ROBO2: variants seen among roughly 807,000 people sequenced by gnomAD.
ROBO2 encodes roundabout homolog 2.
ROBO2 carries 53 observed loss-of-function variants against 160.8 expected under a neutral mutation model. The observed-to-expected ratio is 0.33, with a 90% CI of 0.26 to 0.41. The LOEUF is 0.41. ROBO2 is among the 10% of genes least tolerant of loss of function. The pLI, the probability that ROBO2 is intolerant of heterozygous loss-of-function variation, is 1.00. For synonymous variants in ROBO2, 664 were observed against 611.7 expected (o/e 1.09, Z -1.26); for missense variants, 1,577 against 1,722.4 (o/e 0.92, Z 1.49).
intron 2 of ROBO2, among the ~76,000 whole-genome samples, chr3:77,402,791 C>G (rs140495691): frequency 6.6e-6 from 1 of 151,966 alleles, no homozygotes; most frequent in African/African-American, 2.4e-5. Context: ...CTCAGAAGTA[C>G]GCCGGCACAC....
intron 2 of ROBO2, among the ~76,000 whole-genome samples, chr3:76,169,405 G>A (rs984762177): frequency 2.6e-5 from 4 of 152,168 alleles, no homozygotes; most frequent in African/African-American, 4.8e-5. Flanking sequence ...GGTAGCATGC[G>A]TGGGGCTTTA....
chr3:77,183,531 G>A (rs2080995818), intron 2 of ROBO2, among the ~76,000 whole-genome samples: 1 of 151,968 alleles, frequency 6.6e-6, no homozygotes, highest in Non-Finnish European at 1.5e-5. Context: ...TAAGGTCATA[G>A]GAATAAGATG....
chr3:76,472,424 G>A (rs1428006997), intron 2 of ROBO2, among the ~76,000 whole-genome samples: 2 of 151,856 alleles, frequency 1.3e-5, no homozygotes, highest in Non-Finnish European at 2.9e-5. Flanking sequence ...ATCTGTAAAA[G>A]AAATTTGTTA....
chr3:76,451,857 T>C (rs139075747), intron 2 of ROBO2, among the ~76,000 whole-genome samples: 34 of 152,276 alleles, frequency 2.2e-4, no homozygotes, highest in African/African-American at 7.0e-4. Flanking sequence ...AAAGCTCCTC[T>C]TGGCTGCAAG....
chr3:76,878,032 C>T (rs2072938951), intron 2 of ROBO2, among the ~76,000 whole-genome samples: 1 of 152,124 alleles, frequency 6.6e-6, no homozygotes, highest in African/African-American at 2.4e-5. Flanking sequence ...CTTTAATTAC[C>T]TTCTAAAAGC....
intron 6 of ROBO2, among the ~76,000 whole-genome samples, chr3:77,540,381 G>A (rs565532673): frequency 6.4e-4 from 98 of 152,274 alleles, no homozygotes; most frequent in African/African-American, 2.1e-3. Context: ...GGAACCAAAT[G>A]AATCTGGCAT....
chr3:77,429,858 G>C (rs573001067), intron 2 of ROBO2, among the ~76,000 whole-genome samples: 7 of 151,932 alleles, frequency 4.6e-5, no homozygotes, highest in Non-Finnish European at 7.4e-5. Context: ...CACACCTTAC[G>C]GTCTCTTAGC....
chr3:77,361,788 T>C (rs2070048214), intron 2 of ROBO2, among the ~76,000 whole-genome samples: 1 of 152,152 alleles, frequency 6.6e-6, no homozygotes, highest in Admixed American at 6.6e-5. Context: ...GACATGAACA[T>C]TCAGACTGTA....
intron 5 of ROBO2, among the ~76,000 whole-genome samples, chr3:77,520,931 A>T (rs2090527972): frequency 6.6e-6 from 1 of 151,356 alleles, no homozygotes; most frequent in African/African-American, 2.4e-5. Flanking sequence ...TTAGCCTAGT[A>T]CTTGCTCTAA....
intron 2 of ROBO2, among the ~76,000 whole-genome samples, chr3:76,659,692 A>G (rs966881935): frequency 5.3e-5 from 8 of 152,232 alleles, no homozygotes; most frequent in African/African-American, 1.9e-4. Flanking sequence ...AATATTTTAA[A>G]GAATTGGCTG....
At chr3:76,389,778 C>A (rs554028956) in intron 2 of ROBO2, among the ~76,000 whole-genome samples, 1 of 151,926 alleles carries the variant, frequency 6.6e-6, no homozygotes, top group Non-Finnish European at 1.5e-5. Flanking sequence ...TTACATACAT[C>A]TATATTAAAA....
intron 2 of ROBO2, among the ~76,000 whole-genome samples, chr3:76,573,881 C>T (rs917243367): frequency 6.6e-6 from 1 of 152,044 alleles, no homozygotes; most frequent in Non-Finnish European, 1.5e-5. Flanking sequence ...GTCCTATTAT[C>T]CCAACCATCC....
intron 2 of ROBO2, among the ~76,000 whole-genome samples, chr3:76,680,476 A>C (rs2092531093): frequency 1.3e-5 from 2 of 151,928 alleles, no homozygotes; most frequent in Admixed American, 1.3e-4. Context: ...TGCTGATTTC[A>C]TAATTTTAGA....
At chr3:76,403,133 C>A (rs1364055040) in intron 2 of ROBO2, among the ~76,000 whole-genome samples, 2 of 151,436 alleles carry the variant, frequency 1.3e-5, no homozygotes, top group African/African-American at 4.8e-5. Context: ...TTGGCATAAA[C>A]CTCTGTGGGG....
intron 2 of ROBO2, among the ~76,000 whole-genome samples, chr3:76,065,093 A>C (rs1365006499): frequency 4.6e-5 from 7 of 152,156 alleles, no homozygotes; most frequent in Non-Finnish European, 7.4e-5. Flanking sequence ...GTTAAAAAAT[A>C]TAATAGCATA....
intron 2 of ROBO2, among the ~76,000 whole-genome samples, chr3:77,173,218 T>C (rs2150759646): frequency 6.6e-6 from 1 of 152,214 alleles, no homozygotes; most frequent in Admixed American, 6.5e-5. Context: ...AGCAATTAAG[T>C]TTTAAACATT....
At chr3:76,082,394 G>A (rs553680244) in intron 2 of ROBO2, among the ~76,000 whole-genome samples, 16 of 152,028 alleles carry the variant, frequency 1.1e-4, no homozygotes, top group Admixed American at 2.6e-4. Flanking sequence ...CAATGGGAAG[G>A]GTAGATGATG....
intron 2 of ROBO2, among the ~76,000 whole-genome samples, chr3:76,518,333 G>A (rs1339377452): frequency 6.6e-6 from 1 of 152,056 alleles, no homozygotes; most frequent in Non-Finnish European, 1.5e-5. Context: ...TGGGTACATA[G>A]TAGGTATGAT....
intron 2 of ROBO2, among the ~76,000 whole-genome samples, chr3:76,738,663 AAC>A (rs1195117609): frequency 1.3e-5 from 2 of 152,184 alleles, no homozygotes; most frequent in Non-Finnish European, 2.9e-5. Flanking sequence ...GACTTTGATA[AAC>A]ACAGTTTAAA....
Sources: gnomAD v4.1 joint callset for allele counts (sites outside exome capture counted in the v4.1 genomes callset) on GRCh38, gnomAD v4.1.1 for gene constraint, MANE v1.5 for transcripts, NCBI Gene and HGNC (gene_info 2026-07-23, HGNC 2026-07-21) for gene names.